The following KPNA7 variants were observed in gnomAD, a reference collection of about 807,000 sequenced individuals.
KPNA7 encodes karyopherin subunit alpha 7.
In KPNA7, 54 loss-of-function variants were observed where a neutral mutation model predicts 53.7. The observed-to-expected ratio is 1.01, with a 90% CI of 0.81 to 1.26. KPNA7 has a LOEUF of 1.26. Among genes scored for constraint, KPNA7 ranks in the 50% most tolerant of loss-of-function variants. KPNA7 has a pLI of 0.00. For synonymous variants in KPNA7, 276 were observed against 259.3 expected, an observed-to-expected ratio of 1.06 and a Z score of -0.62; for missense variants, 640 against 644.5, an observed-to-expected ratio of 0.99 and a Z score of 0.07.
chr7:99,193,241 A>T (rs1790057648), intron 5 of KPNA7, 140 bp from the exon 6 acceptor site: 2 of 520,826 alleles, frequency 3.8e-6, no homozygotes, highest in Non-Finnish European at 6.6e-6. Flanking sequence ...AGAGCCACGT[A>T]CTAAATTCTG....
intron 6 of KPNA7, among the ~76,000 whole-genome samples, chr7:99,188,985 C>T (rs543546155): frequency 8.7e-4 from 132 of 152,098 alleles, no homozygotes; most frequent in Middle Eastern, 6.8e-3. Context: ...CCCGACTGAA[C>T]GAGAGCTTTT....
At chr7:99,182,352 C>T (rs1789304336) in intron 8 of KPNA7, among the ~76,000 whole-genome samples, 1 of 152,124 alleles carries the variant, frequency 6.6e-6, no homozygotes, top group African/African-American at 2.4e-5. Flanking sequence ...TGTGTGCCAC[C>T]ACGCCCAGCT....
chr7:99,164,363 T>G, the KPNA7 span, among the ~76,000 whole-genome samples: 3 of 151,924 alleles, frequency 2.0e-5, no homozygotes, highest in Non-Finnish European at 2.9e-5. Flanking sequence ...CTAGAAACCA[T>G]CATTCTCAGC....
intron 6 of KPNA7, among the ~76,000 whole-genome samples, chr7:99,189,332 G>T (rs1370793053): frequency 6.6e-6 from 1 of 152,010 alleles, no homozygotes; most frequent in South Asian, 2.1e-4. Context: ...TTGCTATGTT[G>T]CCCAGTCTGG....
the KPNA7 span, among the ~76,000 whole-genome samples, chr7:99,146,747 A>C: frequency 2.6e-5 from 3 of 114,400 alleles, no homozygotes; most frequent in Non-Finnish European, 5.4e-5. Flanking sequence ...AAAAAAAAAA[A>C]ACAACGGAAA....
chr7:99,188,004 T>C lies in KPNA7; in HGVS notation c.900+296A>G, dbSNP rs1447701854. 2.0e-5 allele frequency among the ~76,000 whole-genome samples: 3 copies of C among 150,362 alleles called. No individual in the cohort carries two copies. In the Admixed American group the frequency reaches 2.0e-4, roughly 10 times the overall value. ...TAGCCTGGCCAACATGGTAAAACCC[T>C]GTCCCTACTAAAAATACAAAATGAG... On this transcript the variant is annotated intron_variant, in intron 7 of 10. Coordinates refer to ENST00000327442, the MANE Select transcript of KPNA7 (RefSeq NM_001145715.3).
At chr7:99,152,487 G>C in the KPNA7 span, among the ~76,000 whole-genome samples, 4 of 152,168 alleles carry the variant, frequency 2.6e-5, no homozygotes, top group Non-Finnish European at 5.9e-5. Flanking sequence ...CATACAAAGG[G>C]AAGTGTTTGG....
At chr7:99,215,077 G>T (rs570784298) in intron 1 of KPNA7, among the ~76,000 whole-genome samples, 3 of 152,024 alleles carry the variant, frequency 2.0e-5, no homozygotes, top group Admixed American at 6.6e-5. Context: ...CAACCTGGAA[G>T]CCATGGCTAT....
At chr7:99,190,906 T>C (rs1462086286) in intron 6 of KPNA7, among the ~76,000 whole-genome samples, 1 of 152,024 alleles carries the variant, frequency 6.6e-6, no homozygotes, top group Non-Finnish European at 1.5e-5. Context: ...CATATACACA[T>C]ATGTCACCTA....
intron 8 of KPNA7, among the ~76,000 whole-genome samples, chr7:99,183,112 C>G (rs1197891071): frequency 1.3e-5 from 2 of 151,958 alleles, no homozygotes; most frequent in Admixed American, 1.3e-4. Flanking sequence ...AAAAATTAGC[C>G]GGGTGTGGAG....
chr7:99,195,138 A>T lies in KPNA7; in HGVS notation c.485T>A (p.Ile162Asn). The T allele has an allele frequency of 6.4e-7, 1 of 1,551,614 alleles. No homozygotes were observed. Among genetic ancestry groups the T allele is most frequent in the Non-Finnish European group, 8.7e-7 (1 of 1,146,988 alleles). The change falls in exon 5 of 11, where the codon ATT (isoleucine) becomes AAT (asparagine). Residue 162 changes from isoleucine (I) to asparagine (N), a missense_variant. Physicochemically the swap from Ile to Asn is moderately radical, Grantham distance 149. Transcript: ENST00000327442. ...VVEGGAIQPL[I>N]ELLSSSNVAV... ...CACGTTGGAGGAAGACAGGAGCTCA[A>T]TCAAGGGCTGGATGGCTCCCCCTTC... is the stretch of plus-strand genomic sequence containing the variant.
intron 9 of KPNA7, among the ~76,000 whole-genome samples, chr7:99,180,151 T>C (rs1277861586): frequency 6.6e-6 from 1 of 152,154 alleles, no homozygotes; most frequent in Non-Finnish European, 1.5e-5. Flanking sequence ...GGCAGCCCAA[T>C]GGAGAAGGTC....
intron 3 of KPNA7, among the ~76,000 whole-genome samples, chr7:99,199,488 C>G (rs917023320): frequency 3.3e-5 from 5 of 152,138 alleles, no homozygotes; most frequent in African/African-American, 4.8e-5. Context: ...CAAGACAATT[C>G]AATGGGTAGA....
chr7:99,193,742 A>C (rs925495568), intron 5 of KPNA7, among the ~76,000 whole-genome samples: 2 of 151,780 alleles, frequency 1.3e-5, no homozygotes, highest in Non-Finnish European at 2.9e-5. Context: ...CAGTGGTGCA[A>C]TCATAGCTCA....
downstream of KPNA7, among the ~76,000 whole-genome samples, chr7:99,173,062 C>CAAA (rs923484332): frequency 0.039 from 2,212 of 56,858 alleles, 177 homozygotes; most frequent in African/African-American, 0.099. Context: ...AACTCCATCT[C>CAAA]AAAAAAAAAA....
At chr7:99,167,599 G>A in the KPNA7 span, among the ~76,000 whole-genome samples, 1 of 137,058 alleles carries the variant, frequency 7.3e-6, no homozygotes, top group Non-Finnish European at 1.5e-5. Context: ...ACAAGCTGAT[G>A]CCATCACACC....
At chr7:99,149,301 G>A in the KPNA7 span, among the ~76,000 whole-genome samples, 1 of 152,180 alleles carries the variant, frequency 6.6e-6, no homozygotes, top group African/African-American at 2.4e-5. Flanking sequence ...CCTTTTGAAA[G>A]GTAGCAGGTG....
chr7:99,181,707 C>T (rs943320339), intron 9 of KPNA7, among the ~76,000 whole-genome samples, 176 bp downstream of exon 9: 1 of 152,162 alleles, frequency 6.6e-6, no homozygotes, highest in Non-Finnish European at 1.5e-5. Flanking sequence ...ACTACCTTTC[C>T]CGGCTAATTT....
In KPNA7 at chr7:99,187,820, A is replaced by ATT. The variant is rs1563075192; in HGVS notation, c.900+479_900+480insAA. On this transcript the variant is annotated intron_variant, in intron 7 of 10. Transcript: ENST00000327442. ...TTTTTAAAAAAAAAAAAAAAAAAAA[A>ATT]AAAAAAAAAAAAAAACCCACTAGGA... Among the ~76,000 whole-genome samples the ATT allele has an allele frequency of 6.1e-4, 55 of 90,470 alleles. 1 individual carries two copies. The highest frequency in any genetic ancestry group is 4.1e-3 in the South Asian group (10 of 2,452). 59.4% of individuals were successfully genotyped at this position (90,470 alleles called of 152,430 possible).
Sources: gnomAD v4.1 joint callset for allele counts (sites outside exome capture counted in the v4.1 genomes callset) on GRCh38, gnomAD v4.1.1 for gene constraint, MANE v1.5 for transcripts, NCBI Gene and HGNC (gene_info 2026-07-23, HGNC 2026-07-21) for gene names.